Variants in WDFY4 observed in about 807,000 individuals in gnomAD.
The protein encoded by WDFY4 is WDFY family member 4, also known as WD repeat- and FYVE domain-containing protein 4.
In WDFY4, 169 loss-of-function variants were observed where a neutral mutation model predicts 351.9. That is an observed-to-expected ratio of 0.48 (90% CI 0.42 to 0.55). WDFY4 has a LOEUF of 0.55. WDFY4 is among the 20% of genes least tolerant of loss of function. The pLI, the probability that WDFY4 is intolerant of heterozygous loss-of-function variation, is 0.00. For synonymous variants in WDFY4, 1,622 were observed against 1,574.6 expected (o/e 1.03, Z -0.71); for missense variants, 3,803 against 3,935.6 (o/e 0.97, Z 0.90).
chr10:48,915,610 G>A (rs1838448301), intron 47 of WDFY4, among the ~76,000 whole-genome samples: 1 of 152,090 alleles, frequency 6.6e-6, no homozygotes, highest in South Asian at 2.1e-4. Flanking sequence ...AGGCTGTGTG[G>A]GAATATAGTT....
Position 48,775,750 on chromosome 10 carries a change from C to A in WDFY4, c.2807C>A (p.Ala936Asp), listed in dbSNP as rs988283132. Residue 936 changes from alanine (A) to aspartate (D), a missense_variant, in exon 15 of 62, where the codon GCC becomes GAC. Ala to Asp is a moderately radical substitution (Grantham distance 126, BLOSUM62 -2). Coordinates refer to ENST00000325239, the MANE Select transcript of WDFY4 (RefSeq NM_001394531.1). ...CTTGGAATTCCCTCATCTCTGTCGG[C>A]CACAACAAAAATCCTTGATTCATCT... is the stretch of plus-strand genomic sequence containing the variant. ...LGLGIPSSLS[A>D]TTKILDSSHT... is the part of the protein sequence containing the mutation. 6.4e-7 allele frequency: 1 copy of A among 1,551,698 alleles called. No homozygotes were observed. The highest frequency in any genetic ancestry group is 1.2e-5 in the South Asian group (1 of 84,056).
At position 48,974,982 on chromosome 10, in the gene WDFY4, G is replaced by A. The variant is rs749914698; in HGVS notation, c.9049G>A (p.Val3017Met). Residue 3017 changes from valine to methionine, a missense_variant, in exon 58 of 62, where the codon GTG (valine) becomes ATG (methionine). Around this residue, in one of 3 missense-constraint regions of WDFY4, gnomAD observed 3,054 missense variants for 3,148.6 expected, o/e 0.97. Transcript: ENST00000325239. ...ILWDLDHLTH[V>M]TRLPAHREGI... ...GTGGGATCTGGACCACCTCACCCAC[G>A]TGACCCGCCTGCCCGCCCATCGGGA... 1.0e-5 allele frequency: 16 copies of A among 1,551,618 alleles called. No homozygotes were observed. Among genetic ancestry groups the A allele is most frequent in the Middle Eastern group, 1.7e-4 (1 of 5,992 alleles).
At chr10:48,882,998 G>T (rs954176230) in intron 43 of WDFY4, among the ~76,000 whole-genome samples, 43 of 152,124 alleles carry the variant, frequency 2.8e-4, no homozygotes, top group African/African-American at 9.9e-4. Flanking sequence ...ATGTGTTTTC[G>T]TTCCCTCTCT....
chr10:48,755,352 G>T (rs1361840474), intron 12 of WDFY4, among the ~76,000 whole-genome samples: 1 of 152,140 alleles, frequency 6.6e-6, no homozygotes, highest in African/African-American at 2.4e-5. Context: ...GTCTTCCACA[G>T]ATTGAAGGTT....
intron 43 of WDFY4, among the ~76,000 whole-genome samples, chr10:48,882,621 G>A (rs1279344546): frequency 6.6e-6 from 1 of 152,168 alleles, no homozygotes; most frequent in East Asian, 1.9e-4. Context: ...GCCTCAGGAA[G>A]CTTCCAGTCA....
In WDFY4 at chr10:48,966,918, C is replaced by G. The variant is rs931109119; in HGVS notation, c.8584+245C>G. The G allele has an allele frequency of 9.7e-6, 5 of 516,468 alleles. No homozygotes were observed. In the Admixed American group the frequency reaches 1.0e-4, roughly 11 times the overall value. The allele number at this position is 516,468 out of a possible 1,614,324, so 32.0% of individuals were successfully genotyped here. A position where few individuals can be genotyped will look rare whatever the true frequency, so the allele number is the denominator to read the frequency against. The stretch of plus-strand genomic sequence containing the variant: ...TCTCTGTCTTTCTGTCTGTCTCTCT[C>G]ACACACATACACACACAGACACCTC... On this transcript the variant is annotated intron_variant, in intron 55 of 61. Transcript: ENST00000325239.
At chr10:48,936,856 A>G (rs1427536163) in intron 47 of WDFY4, among the ~76,000 whole-genome samples, 2 of 151,680 alleles carry the variant, frequency 1.3e-5, no homozygotes, top group Non-Finnish European at 2.9e-5. Context: ...AAAAAAGAAA[A>G]AAAAAGAAAA....
intron 1 of WDFY4, 133 bp from the exon 2 acceptor site, chr10:48,709,583 A>T: frequency 1.4e-6 from 1 of 717,314 alleles, no homozygotes; most frequent in Non-Finnish European, 2.3e-6. Context: ...TCCTTATTTT[A>T]GTCTGTTTCA....
intron 28 of WDFY4, among the ~76,000 whole-genome samples, chr10:48,809,984 C>T (rs1360402236): frequency 6.6e-6 from 1 of 152,220 alleles, no homozygotes; most frequent in Admixed American, 6.5e-5. Flanking sequence ...CTGTTTCATC[C>T]AGGTCCCATC....
At chr10:48,775,482 A>AT (rs1285949799) in intron 14 of WDFY4, among the ~76,000 whole-genome samples, 4 of 152,176 alleles carry the variant, frequency 2.6e-5, no homozygotes, top group Admixed American at 2.6e-4. Flanking sequence ...TTGTGACATT[A>AT]TTTTTTGTTA....
chr10:48,899,945 C>G (rs1227968782), intron 45 of WDFY4, among the ~76,000 whole-genome samples: 2 of 152,182 alleles, frequency 1.3e-5, no homozygotes, highest in African/African-American at 2.4e-5. Flanking sequence ...TGCTTTCTCT[C>G]GTGTCTGCTT....
intron 39 of WDFY4, among the ~76,000 whole-genome samples, chr10:48,847,599 G>A (rs1276702562): frequency 6.6e-6 from 1 of 152,024 alleles, no homozygotes; most frequent in Non-Finnish European, 1.5e-5. Context: ...ACAGAGATGG[G>A]GTGAGAATAG....
At position 48,870,556 on chromosome 10, in the gene WDFY4, G is replaced by GAA. The variant is rs201718745; in HGVS notation, c.6742-2920_6742-2919dup. 8.9e-3 allele frequency among the ~76,000 whole-genome samples: 1,088 copies of GAA among 122,892 alleles called. 14 individuals are homozygous for GAA. The highest frequency in any genetic ancestry group is 0.03 in the African/African-American group (1,032 of 34,960). The allele number at this position is 122,892 out of a possible 152,430, so 80.6% of individuals were successfully genotyped here. ...TGACAGAGAAAAAGACCTTGTCTCT[G>GAA]AAAAAAAAAAAAAAAAGAAAGAAAT... On this transcript the variant is annotated intron_variant, in intron 40 of 61. Transcript: ENST00000325239.
intron 1 of WDFY4, among the ~76,000 whole-genome samples, chr10:48,707,131 G>A (rs930886256): frequency 2.0e-5 from 3 of 152,200 alleles, no homozygotes; most frequent in Non-Finnish European, 4.4e-5. Flanking sequence ...TGAATTCACA[G>A]AGGAGAAATG....
intron 12 of WDFY4, chr10:48,745,724 G>C: frequency 1.8e-6 from 1 of 556,370 alleles, no homozygotes; most frequent in South Asian, 1.6e-5. Flanking sequence ...TGAGCCAGGC[G>C]CCCCACGTAG....
intron 12 of WDFY4, among the ~76,000 whole-genome samples, chr10:48,756,744 G>A (rs1026993118): frequency 1.3e-5 from 2 of 152,026 alleles, no homozygotes; most frequent in Non-Finnish European, 2.9e-5. Flanking sequence ...TATGGATCAT[G>A]TTGACTGATT....
chr10:48,823,380 C>A, intron 35 of WDFY4: 1 of 1,236,436 alleles, frequency 8.1e-7, no homozygotes, highest in South Asian at 1.4e-5. Flanking sequence ...CTGGTTATGC[C>A]CTCTGCAGCA....
intron 40 of WDFY4, among the ~76,000 whole-genome samples, chr10:48,872,610 CA>C (rs1255830810): frequency 6.6e-6 from 1 of 152,162 alleles, no homozygotes. Flanking sequence ...TGAATAATTG[CA>C]AAAGTGTATC....
At chr10:48,961,900 C>A (rs115326128) in intron 53 of WDFY4, among the ~76,000 whole-genome samples, 1 of 152,106 alleles carries the variant, frequency 6.6e-6, no homozygotes, top group African/African-American at 2.4e-5. Flanking sequence ...GAGACACCAG[C>A]CCAACGTCCT....
Sources: allele counts gnomAD v4.1 joint callset (sites outside exome capture counted in the v4.1 genomes callset), GRCh38; gene constraint gnomAD v4.1.1; regional missense constraint gnomAD v4.1.1; transcripts MANE v1.5; gene names NCBI Gene and HGNC (gene_info 2026-07-23, HGNC 2026-07-21).